The following KTN1 variants were observed in gnomAD, a reference collection of about 807,000 sequenced individuals.
KTN1 encodes kinectin.
Under a neutral mutation model 222.5 loss-of-function variants are expected in KTN1, and 130 were observed. The ratio of observed to expected loss-of-function variants is 0.58; its 90% CI spans 0.51 to 0.68. The LOEUF (loss-of-function observed/expected upper bound fraction) is 0.68. Among genes scored for constraint, KTN1 ranks in the 30% least tolerant of loss-of-function variants. The pLI is 0.00. For synonymous variants in KTN1, 512 were observed against 496.3 expected, an observed-to-expected ratio of 1.03 and a Z score of -0.42; for missense variants, 1,508 against 1,500.4, an observed-to-expected ratio of 1.01 and a Z score of -0.08.
chr14:55,605,356 C>T (rs1050409985), intron 1 of KTN1, among the ~76,000 whole-genome samples: 1 of 152,056 alleles, frequency 6.6e-6, no homozygotes, highest in Non-Finnish European at 1.5e-5. Context: ...TTCTTTAGCT[C>T]GTTTCTGCTG....
At chr14:55,600,725 TGTA>T (rs139799849) in intron 1 of KTN1, among the ~76,000 whole-genome samples, 3,194 of 152,238 alleles carry the variant, frequency 0.021, 119 homozygotes, top group African/African-American at 0.073. Context: ...AATTTCATGT[TGTA>T]GTGTTAATTT....
intron 1 of KTN1, among the ~76,000 whole-genome samples, chr14:55,583,830 T>C (rs1345362740): frequency 6.6e-6 from 1 of 152,136 alleles, no homozygotes; most frequent in Non-Finnish European, 1.5e-5. Context: ...TCCTCAAACA[T>C]GTTTGATGTT....
chr14:55,641,518 G>T (rs2041800962), intron 17 of KTN1, among the ~76,000 whole-genome samples, 174 bp from the exon 18 acceptor site: 1 of 152,078 alleles, frequency 6.6e-6, no homozygotes, highest in South Asian at 2.1e-4. Context: ...CCAACCAAGT[G>T]CTAGGGTGCA....
intron 40 of KTN1, chr14:55,674,541 C>G (rs1465227414): frequency 1.3e-5 from 2 of 152,136 alleles, no homozygotes; most frequent in Non-Finnish European, 2.9e-5. Flanking sequence ...CATTGTGAGA[C>G]TGGTTCTATG....
chr14:55,679,489 A>G (rs2046178906), intron 42 of KTN1, 76 bp from the exon 43 acceptor site: 1 of 1,229,264 alleles, frequency 8.1e-7, no homozygotes, highest in Non-Finnish European at 1.2e-6. Context: ...TCAGCAATAT[A>G]ACATTTTCTG....
intron 1 of KTN1, among the ~76,000 whole-genome samples, chr14:55,605,572 C>T (rs183861481): frequency 6.6e-6 from 1 of 152,164 alleles, no homozygotes; most frequent in Non-Finnish European, 1.5e-5. Context: ...CAAGATCATG[C>T]AAGTAGTTTG....
At chr14:55,642,062 G>C (rs373370711) in intron 18 of KTN1, among the ~76,000 whole-genome samples, 2 of 152,160 alleles carry the variant, frequency 1.3e-5, no homozygotes, top group South Asian at 4.1e-4. Context: ...CTTAGACTTG[G>C]AGCCTCAGCT....
chr14:55,633,429 G>T, intron 8 of KTN1, 88 bp downstream of exon 8: 1 of 746,910 alleles, frequency 1.3e-6, no homozygotes, highest in Non-Finnish European at 2.0e-6. Flanking sequence ...ATAGTAATTG[G>T]TTAGACTTTT....
At chr14:55,626,554 T>C (rs2039851301) in intron 5 of KTN1, among the ~76,000 whole-genome samples, 2 of 152,172 alleles carry the variant, frequency 1.3e-5, no homozygotes, top group South Asian at 4.1e-4. Flanking sequence ...CTTATTTTCA[T>C]TTTTTGGTAT....
In KTN1 at chr14:55,634,613, G is replaced by A. The variant is rs1333481457; in HGVS notation, c.1416G>A (p.Glu472=). 6.2e-7 allele frequency: 1 copy of A among 1,613,708 alleles called. No homozygotes were observed. The highest frequency in any genetic ancestry group is 1.3e-5 in the African/African-American group (1 of 74,908). Residue 472 remains glutamate, a synonymous_variant, in exon 9 of 44, where the codon GAG becomes GAA. Transcript: ENST00000395314. The part of the protein sequence containing the change: ...LTEKTGKLQQ[E]EVQKKNAEQA... ...AGAAAACAGGAAAGCTACAGCAAGA[G>A]GAAGTCCAAAAGAAGAATGCTGAGC...
intron 32 of KTN1, among the ~76,000 whole-genome samples, chr14:55,662,069 C>CTT (rs71131302): frequency 0.016 from 2,075 of 129,634 alleles, 31 homozygotes; most frequent in African/African-American, 0.04. Context: ...TCCTCCTGCC[C>CTT]TTTTTTTTTT....
intron 5 of KTN1, among the ~76,000 whole-genome samples, chr14:55,624,160 G>A (rs970949473): frequency 5.3e-5 from 8 of 152,208 alleles, no homozygotes; most frequent in African/African-American, 1.9e-4. Context: ...CTCTGCCTTT[G>A]TAGGTCTCCT....
chr14:55,646,478 T>A (rs866683549), intron 18 of KTN1, among the ~76,000 whole-genome samples: 1 of 57,090 alleles, frequency 1.8e-5, no homozygotes, highest in African/African-American at 8.1e-5. Flanking sequence ...TCCTTTCCTT[T>A]CCTTTCCTTT....
In KTN1 at chr14:55,651,945, C is replaced by A. The variant is rs1294299281; in HGVS notation, c.2603+18C>A. On this transcript the variant is annotated intron_variant, in intron 25 of 43. Transcript: ENST00000395314. The stretch of plus-strand genomic sequence containing the variant: ...CAGAACTTGTAAGTACCATTTATCT[C>A]ATTTCCTTTTACTATTTCTTTTTCA... 2.0e-6 allele frequency: 3 copies of A among 1,485,012 alleles called. No individual in the cohort carries two copies. Among genetic ancestry groups the A allele is most frequent in the Non-Finnish European group, 2.8e-6 (3 of 1,075,824 alleles). The allele number at this position is 1,485,012 out of a possible 1,614,324, so 92.0% of individuals were successfully genotyped here.
intron 6 of KTN1, 46 bp downstream of exon 6, chr14:55,628,074 G>T (rs1297169151): frequency 8.7e-7 from 1 of 1,144,532 alleles, no homozygotes; most frequent in Non-Finnish European, 1.3e-6. Context: ...CAAATCAGAA[G>T]CAACAAAAGA....
chr14:55,597,818 C>T (rs928188629), intron 1 of KTN1, among the ~76,000 whole-genome samples: 2 of 151,448 alleles, frequency 1.3e-5, no homozygotes, highest in Non-Finnish European at 2.9e-5. Context: ...CGTGCCACTG[C>T]ATTCCAGTCT....
intron 6 of KTN1, among the ~76,000 whole-genome samples, chr14:55,629,212 C>G (rs753719079): frequency 5.9e-5 from 9 of 151,752 alleles, no homozygotes; most frequent in Non-Finnish European, 1.2e-4. Context: ...GTCAGGAGAT[C>G]GAGACCATCT....
intron 1 of KTN1, among the ~76,000 whole-genome samples, chr14:55,606,496 A>G (rs1402579449): frequency 1.3e-5 from 2 of 152,142 alleles, no homozygotes; most frequent in Non-Finnish European, 2.9e-5. Flanking sequence ...CAGTTGAAGG[A>G]CAGAAATATT....
chr14:55,656,356 G>C (rs946455737), intron 29 of KTN1: 18 of 397,260 alleles, frequency 4.5e-5, no homozygotes, highest in Non-Finnish European at 8.1e-5. Flanking sequence ...ATACTAACTT[G>C]TATATTTTGC....
Sources: allele counts gnomAD v4.1 joint callset (sites outside exome capture counted in the v4.1 genomes callset), GRCh38; gene constraint gnomAD v4.1.1; transcripts MANE v1.5; gene names NCBI Gene and HGNC (gene_info 2026-07-23, HGNC 2026-07-21).